Variants in UST observed in about 807,000 individuals in gnomAD.
UST encodes uronyl 2-sulfotransferase.
UST carries 21 observed loss-of-function variants against 45.6 expected under a neutral mutation model. The observed-to-expected ratio is 0.46, with a 90% CI of 0.33 to 0.66. UST has a LOEUF of 0.66. Among genes scored for constraint, UST ranks in the 30% least tolerant of loss-of-function variants. The pLI, the probability that UST is intolerant of heterozygous loss-of-function variation, is 0.02. For missense variants in UST, 463 were observed against 512.4 expected, an observed-to-expected ratio of 0.90 and a Z score of 0.93; for synonymous variants, 215 against 200.6, an observed-to-expected ratio of 1.07 and a Z score of -0.61.
At chr6:148,936,071 G>A (rs1355430567) in intron 2 of UST, among the ~76,000 whole-genome samples, 5 of 152,228 alleles carry the variant, frequency 3.3e-5, no homozygotes, top group African/African-American at 1.2e-4. Flanking sequence ...TATTAAAGAA[G>A]TGTCATCTTA....
At chr6:149,000,798 T>A (rs1469556159) in intron 5 of UST, among the ~76,000 whole-genome samples, 2 of 151,786 alleles carry the variant, frequency 1.3e-5, no homozygotes, top group African/African-American at 4.8e-5. Flanking sequence ...AAATGAAAAA[T>A]ATGGTTATTG....
rs539055047 is a variant in UST at position 148,790,564 on chromosome 6, G to A, written c.247+42887G>A. 1.3e-5 allele frequency among the ~76,000 whole-genome samples: 2 copies of A among 152,290 alleles called. No individual in the cohort carries two copies. The highest frequency in any genetic ancestry group is 2.1e-4 in the South Asian group (1 of 4,828). On this transcript the variant is annotated intron_variant, in intron 1 of 7. Coordinates refer to ENST00000367463, the MANE Select transcript of UST (RefSeq NM_005715.3). The surrounding 1 kb of genome is among the most constrained non-coding windows in gnomAD (Gnocchi z 4.2). ...CCCTGCACTGTTAAGGTGCTGTAGC[G>A]GATGCTGTGATGTGCCACCGTTCAG...
intron 1 of UST, among the ~76,000 whole-genome samples, chr6:148,785,768 G>GA (rs1180504707): frequency 6.6e-6 from 1 of 151,926 alleles, no homozygotes; most frequent in Non-Finnish European, 1.5e-5. Context: ...AGATGTTGAG[G>GA]AAAAAAATGC....
At chr6:148,989,466 A>T (rs1055558589) in intron 5 of UST, among the ~76,000 whole-genome samples, 11 of 152,238 alleles carry the variant, frequency 7.2e-5, no homozygotes, top group African/African-American at 2.7e-4. Flanking sequence ...ATTAAAAAGT[A>T]AGCCATGAGA....
intron 7 of UST, among the ~76,000 whole-genome samples, chr6:149,051,760 A>T (rs892874919): frequency 6.6e-6 from 1 of 152,106 alleles, no homozygotes; most frequent in African/African-American, 2.4e-5. Flanking sequence ...TGTCTGACAA[A>T]ACTTTACTTT....
intron 5 of UST, among the ~76,000 whole-genome samples, chr6:148,967,360 G>C (rs1279982271): frequency 1.3e-5 from 2 of 151,990 alleles, no homozygotes; most frequent in African/African-American, 4.8e-5. Context: ...CCTGGTGGTG[G>C]GGGGGAGGGG....
chr6:148,884,593 G>T (rs779443476), intron 1 of UST, among the ~76,000 whole-genome samples: 9 of 152,216 alleles, frequency 5.9e-5, no homozygotes, highest in Middle Eastern at 6.8e-3. Context: ...GTGCATGGAG[G>T]GGGAGGTGGG....
chr6:148,750,447 G>A (rs962887833), intron 1 of UST, among the ~76,000 whole-genome samples: 2 of 152,228 alleles, frequency 1.3e-5, no homozygotes, highest in South Asian at 2.1e-4. Flanking sequence ...CAACACTGTC[G>A]GTAGGTTCTA....
intron 1 of UST, among the ~76,000 whole-genome samples, chr6:148,826,508 A>G (rs1777570140): frequency 6.6e-6 from 1 of 152,072 alleles, no homozygotes; most frequent in Non-Finnish European, 1.5e-5. Context: ...AATGACATGT[A>G]CTTTTTATAT....
At chr6:148,976,282 G>T (rs561468646) in intron 5 of UST, among the ~76,000 whole-genome samples, 1 of 152,254 alleles carries the variant, frequency 6.6e-6, no homozygotes, top group Admixed American at 6.5e-5. Flanking sequence ...GGGGGTGGGG[G>T]GTTGTTTTGT....
chr6:149,023,136 GTGTGTGTGT>G (rs1776003299), intron 7 of UST, among the ~76,000 whole-genome samples: 7 of 147,506 alleles, frequency 4.7e-5, no homozygotes, highest in South Asian at 2.2e-4. Flanking sequence ...GTGTGTGTGT[GTGTGTGTGT>G]GTGTGGTGTG....
At chr6:149,040,763 G>A (rs1347623870) in intron 7 of UST, among the ~76,000 whole-genome samples, 1 of 152,138 alleles carries the variant, frequency 6.6e-6, no homozygotes, top group East Asian at 1.9e-4. Flanking sequence ...CTAAGCACAG[G>A]TGCCAACAAA....
At chr6:148,876,922 TC>T (rs1778664724) in intron 1 of UST, among the ~76,000 whole-genome samples, 3 of 136,486 alleles carry the variant, frequency 2.2e-5, no homozygotes, top group South Asian at 5.1e-4. Context: ...CTTCAGATTT[TC>T]CAGAGCCTTC....
intron 1 of UST, among the ~76,000 whole-genome samples, chr6:148,860,401 A>G (rs570042718): frequency 6.6e-5 from 10 of 152,316 alleles, no homozygotes; most frequent in African/African-American, 2.4e-4. Flanking sequence ...TTGGGCTGAG[A>G]TGATGGGGTT....
intron 1 of UST, among the ~76,000 whole-genome samples, chr6:148,805,361 C>T (rs1582823094): frequency 6.6e-6 from 1 of 152,134 alleles, no homozygotes; most frequent in Admixed American, 6.5e-5. Flanking sequence ...AATCTGCCTG[C>T]AGTTTTGATT....
intron 1 of UST, among the ~76,000 whole-genome samples, chr6:148,864,425 G>C (rs1778385439): frequency 6.6e-6 from 1 of 152,242 alleles, no homozygotes; most frequent in Non-Finnish European, 1.5e-5. Context: ...GGCTAGGAAA[G>C]GGAATTCCCT....
At chr6:148,862,606 A>T (rs1778341166) in intron 1 of UST, among the ~76,000 whole-genome samples, 1 of 152,142 alleles carries the variant, frequency 6.6e-6, no homozygotes, top group Non-Finnish European at 1.5e-5. Flanking sequence ...TGGTCTTTAC[A>T]ATTTGGCATG....
At chr6:148,768,138 C>A (rs986414775) in intron 1 of UST, among the ~76,000 whole-genome samples, 2 of 152,104 alleles carry the variant, frequency 1.3e-5, no homozygotes, top group East Asian at 1.9e-4. Context: ...TTTGCCTATA[C>A]CCTTAAAAAC....
At chr6:149,041,406 T>A (rs1288143968) in intron 7 of UST, among the ~76,000 whole-genome samples, 2 of 152,214 alleles carry the variant, frequency 1.3e-5, no homozygotes, top group Non-Finnish European at 2.9e-5. Flanking sequence ...ACAAATGCAG[T>A]GAGGCCAGTA....
Sources: gnomAD v4.1 joint callset for allele counts (sites outside exome capture counted in the v4.1 genomes callset) on GRCh38, gnomAD v4.1.1 for gene constraint, Gnocchi (gnomAD v3.1) non-coding constraint, MANE v1.5 for transcripts, NCBI Gene and HGNC (gene_info 2026-07-23, HGNC 2026-07-21) for gene names.